Variants in LAMB4 observed in about 807,000 individuals in gnomAD.
LAMB4 encodes laminin subunit beta 4.
A neutral mutation model predicts 199.2 loss-of-function variants in LAMB4; 196 were observed. That is an observed-to-expected ratio of 0.98 (90% CI 0.88 to 1.11). LAMB4 has a LOEUF of 1.11. Ranked by LOEUF, LAMB4 falls within the 50% of genes least tolerant of loss-of-function variation. The pLI, the probability that LAMB4 is intolerant of heterozygous loss-of-function variation, is 0.00. For synonymous variants in LAMB4, 744 were observed against 770.6 expected (o/e 0.97, Z 0.57); for missense variants, 2,080 against 2,171.2 (o/e 0.96, Z 0.83).
chr7:108,041,625 T>G (rs537373024), intron 29 of LAMB4, among the ~76,000 whole-genome samples: 1 of 152,340 alleles, frequency 6.6e-6, no homozygotes, highest in African/African-American at 2.4e-5. Flanking sequence ...GCCATTATCC[T>G]TAGCAAACTA....
intron 23 of LAMB4, among the ~76,000 whole-genome samples, chr7:108,060,466 C>T (rs1013475765): frequency 1.3e-5 from 2 of 152,110 alleles, no homozygotes; most frequent in Admixed American, 1.3e-4. Flanking sequence ...ATCCAGTGTC[C>T]AGATCTTGGT....
rs1266344817 is a variant in LAMB4 at position 108,057,913 on chromosome 7, G to A, written c.3298C>T (p.Pro1100Ser). ...TTCCCGCCGTAACCTAATTTACACG[G>A]ACACTGGCCTGTAAGCTGTGAGAAC... ...SHCDQLTGQC[P>S]CKLGYGGKRC... is the part of the protein sequence containing the mutation. Residue 1100 changes from proline to serine, a missense_variant, in exon 24 of 34, where the codon CCG becomes TCG. By Grantham distance (74) the Pro-to-Ser change is moderately conservative (BLOSUM62 -1). Transcript: ENST00000388781. 4 of 1,612,854 alleles carry A rather than the reference G, an allele frequency of 2.5e-6. No individual in the cohort carries two copies. Among genetic ancestry groups the A allele is most frequent in the Non-Finnish European group, 3.4e-6 (4 of 1,178,982 alleles).
intron 5 of LAMB4, 133 bp downstream of exon 5, chr7:108,109,038 C>G (rs2038125198): frequency 1.5e-6 from 1 of 655,736 alleles, no homozygotes; most frequent in African/African-American, 1.8e-5. Context: ...AGTCAAAGCT[C>G]AGGTGGCAAA....
chr7:108,103,140 A>C lies in LAMB4; in HGVS notation c.1084T>G (p.Cys362Gly). ...GGLSGGVCED[C>G]QHNTEGQHCD... Reference sequence around the variant, plus strand: ...TGCTGCCCCTCAGTGTTGTGCTGGCAGTCTTCACACACGCCCCCGCTGAGG... The same window carrying C: ...TGCTGCCCCTCAGTGTTGTGCTGGCCGTCTTCACACACGCCCCCGCTGAGG... Residue 362 changes from cysteine to glycine, a missense_variant, in exon 10 of 34, where the codon TGC (cysteine) becomes GGC (glycine). Transcript: ENST00000388781. 6.2e-7 allele frequency: 1 copy of C among 1,613,366 alleles called. No homozygotes were observed. Among genetic ancestry groups the C allele is most frequent in the Non-Finnish European group, 8.5e-7 (1 of 1,179,712 alleles).
At chr7:108,069,641 G>A in intron 18 of LAMB4, 67 bp downstream of exon 18, 1 of 1,434,614 alleles carries the variant, frequency 7.0e-7, no homozygotes, top group Non-Finnish European at 9.6e-7. Flanking sequence ...AACATAAATT[G>A]ATTTGCTCCA....
In LAMB4 at chr7:108,092,855, G is replaced by C. The variant is rs559157633; in HGVS notation, c.1471-439C>G. Among the ~76,000 whole-genome samples the C allele has an allele frequency of 3.9e-4, 59 of 152,206 alleles. 1 individual carries two copies. The highest frequency in any genetic ancestry group is 3.4e-3 in the Middle Eastern group (1 of 294). On this transcript the variant is annotated intron_variant, in intron 12 of 33. Transcript: ENST00000388781. The stretch of plus-strand genomic sequence containing the variant: ...GGAGGTGGAGGCCAGAGTGAGCTGA[G>C]ATCGTGCCACTGTACTCCAGCCTGG...
chr7:108,033,693 G>A lies in LAMB4; in HGVS notation c.4818+515C>T, dbSNP rs574070696. On this transcript the variant is annotated intron_variant, in intron 31 of 33. Coordinates refer to ENST00000388781, the MANE Select transcript of LAMB4 (RefSeq NM_007356.3). ...CAAAGTGCTGGGATTACAGGTGTGA[G>A]CAACCATGCCTGGCCAGATGGAGCA... Among the ~76,000 whole-genome samples, 35 of 151,026 alleles carry A rather than the reference G, an allele frequency of 2.3e-4. No individual in the cohort carries two copies. The South Asian group carries it at 7.3e-3, about 32-fold the overall frequency.
intron 25 of LAMB4, among the ~76,000 whole-genome samples, chr7:108,052,743 T>C (rs1440777696): frequency 6.6e-6 from 1 of 152,218 alleles, no homozygotes; most frequent in Non-Finnish European, 1.5e-5. Context: ...CCAACTCTTA[T>C]TTTCCATTAG....
chr7:108,099,234 C>CTTG (rs1365443933), intron 10 of LAMB4, among the ~76,000 whole-genome samples: 1 of 152,104 alleles, frequency 6.6e-6, no homozygotes, highest in African/African-American at 2.4e-5. Flanking sequence ...AGGTCAAGAG[C>CTTG]TTGATGGAAG....
At chr7:108,081,980 C>T (rs1444707794) in intron 14 of LAMB4, among the ~76,000 whole-genome samples, 1 of 152,120 alleles carries the variant, frequency 6.6e-6, no homozygotes, top group Non-Finnish European at 1.5e-5. Flanking sequence ...ACTCTCGTCT[C>T]CTTAAACTAG....
At chr7:108,036,426 G>A (rs889638574) in intron 30 of LAMB4, among the ~76,000 whole-genome samples, 3 of 152,114 alleles carry the variant, frequency 2.0e-5, no homozygotes, top group Admixed American at 6.6e-5. Flanking sequence ...GACCGCAGGT[G>A]ATCTGCCCGC....
chr7:108,035,627 A>G (rs938833236), intron 30 of LAMB4, among the ~76,000 whole-genome samples: 1 of 151,346 alleles, frequency 6.6e-6, no homozygotes, highest in South Asian at 2.1e-4. Flanking sequence ...AAAAAAGAAA[A>G]AAAAACGTAA....
chr7:108,114,194 G>T (rs552791135), intron 3 of LAMB4, among the ~76,000 whole-genome samples: 83 of 152,330 alleles, frequency 5.4e-4, no homozygotes, highest in African/African-American at 1.9e-3. Context: ...GGCTGAGGCA[G>T]ACGGATCACT....
chr7:108,114,350 G>A (rs762077310), intron 3 of LAMB4, among the ~76,000 whole-genome samples: 1 of 152,134 alleles, frequency 6.6e-6, no homozygotes, highest in Admixed American at 6.5e-5. Flanking sequence ...GAGGTGGGAA[G>A]ATCACCTGAG....
intron 1 of LAMB4, among the ~76,000 whole-genome samples, chr7:108,129,778 C>T (rs2038916554): frequency 1.3e-5 from 2 of 152,190 alleles, no homozygotes; most frequent in African/African-American, 4.8e-5. Context: ...ATTTGCCTGC[C>T]TCGGCCTCCC....
chr7:108,012,267 C>A, the LAMB4 span, among the ~76,000 whole-genome samples: 2 of 151,294 alleles, frequency 1.3e-5, no homozygotes, highest in Admixed American at 6.6e-5. Flanking sequence ...AAACACATTT[C>A]TATAAACATA....
chr7:108,018,302 C>T, the LAMB4 span, among the ~76,000 whole-genome samples: 2 of 152,218 alleles, frequency 1.3e-5, no homozygotes, highest in Non-Finnish European at 2.9e-5. Flanking sequence ...AACATCACCC[C>T]AGGCCCTTGG....
At chr7:108,045,342 A>T (rs1427443328) in intron 28 of LAMB4, among the ~76,000 whole-genome samples, 1 of 152,210 alleles carries the variant, frequency 6.6e-6, no homozygotes, top group Non-Finnish European at 1.5e-5. Flanking sequence ...CTCTTAAAAC[A>T]TCCCTCTGCA....
intron 10 of LAMB4, among the ~76,000 whole-genome samples, chr7:108,101,079 T>G (rs1418793380): frequency 6.6e-6 from 1 of 152,232 alleles, no homozygotes; most frequent in Non-Finnish European, 1.5e-5. Context: ...TATGATTATA[T>G]AAAAGTTGAA....
Sources: allele counts gnomAD v4.1 joint callset (sites outside exome capture counted in the v4.1 genomes callset), GRCh38; gene constraint gnomAD v4.1.1; transcripts MANE v1.5; gene names NCBI Gene and HGNC (gene_info 2026-07-23, HGNC 2026-07-21).